Variants in ZNF212 observed in about 807,000 individuals in gnomAD.
ZNF212 encodes the protein Zinc finger protein C2H2-150.
A neutral mutation model predicts 47.3 loss-of-function variants in ZNF212; 32 were observed. The ratio of observed to expected loss-of-function variants is 0.68; its 90% confidence interval spans 0.51 to 0.91. The LOEUF is 0.91. Ranked by LOEUF, ZNF212 falls within the 40% of genes least tolerant of loss-of-function variation. ZNF212 has a pLI of 0.00. For missense variants in ZNF212, 555 were observed against 622.8 expected (o/e 0.89, Z 1.16); for synonymous variants, 242 against 253.8 (o/e 0.95, Z 0.44).
intron 1 of ZNF212, among the ~76,000 whole-genome samples, chr7:149,248,054 T>G (rs570383843): frequency 6.6e-6 from 1 of 152,260 alleles, no homozygotes; most frequent in South Asian, 2.1e-4. Flanking sequence ...CAACCCACTG[T>G]AGTGGGAACT....
chr7:149,249,581 A>T (rs1244794910), intron 1 of ZNF212, among the ~76,000 whole-genome samples: 1 of 152,222 alleles, frequency 6.6e-6, no homozygotes, highest in East Asian at 1.9e-4. Flanking sequence ...ATAAACTAAA[A>T]GATGAAAAAA....
intron 1 of ZNF212, among the ~76,000 whole-genome samples, chr7:149,248,063 C>G (rs1054170163): frequency 3.3e-5 from 5 of 152,192 alleles, no homozygotes; most frequent in African/African-American, 1.2e-4. Flanking sequence ...GTAGTGGGAA[C>G]TAATCCATTC....
chr7:149,242,401 G>A (rs1022254933), intron 1 of ZNF212, among the ~76,000 whole-genome samples: 2 of 151,980 alleles, frequency 1.3e-5, no homozygotes, highest in Non-Finnish European at 2.9e-5. Context: ...AATGAATGGG[G>A]GCCAGCTTCT....
intron 1 of ZNF212, among the ~76,000 whole-genome samples, chr7:149,249,563 G>GA (rs772411548): frequency 6.7e-4 from 102 of 151,476 alleles, no homozygotes; most frequent in Non-Finnish European, 1.1e-3. Context: ...CACTTTTGTT[G>GA]AAAAAAAATA....
chr7:149,240,314 G>T (rs1007950993), intron 1 of ZNF212, among the ~76,000 whole-genome samples: 4 of 152,190 alleles, frequency 2.6e-5, no homozygotes, highest in Non-Finnish European at 5.9e-5. Flanking sequence ...GCTTCTCCTT[G>T]GGGACGGATG....
chr7:149,243,977 G>C (rs1022974709), intron 1 of ZNF212, among the ~76,000 whole-genome samples: 3 of 152,168 alleles, frequency 2.0e-5, no homozygotes, highest in South Asian at 2.1e-4. Context: ...ACCCAGGCTG[G>C]AGTAGAGTGG....
chr7:149,251,682 G>T (rs954743302), intron 3 of ZNF212, among the ~76,000 whole-genome samples: 9 of 151,556 alleles, frequency 5.9e-5, no homozygotes, highest in Non-Finnish European at 1.0e-4. Flanking sequence ...AGAGACGTGG[G>T]TCTTACTGTG....
At chr7:149,242,314 G>A (rs781161938) in intron 1 of ZNF212, among the ~76,000 whole-genome samples, 46 of 150,892 alleles carry the variant, frequency 3.0e-4, no homozygotes, top group Non-Finnish European at 4.6e-4. Context: ...ATGAGCCACC[G>A]CACCCGGCCT....
intron 1 of ZNF212, among the ~76,000 whole-genome samples, chr7:149,242,308 G>GCCAC (rs1796605299): frequency 6.6e-6 from 1 of 150,988 alleles, no homozygotes; most frequent in South Asian, 2.1e-4. Flanking sequence ...CACTGCATGA[G>GCCAC]CCACCGCACC....
In ZNF212 at chr7:149,250,384, G is replaced by A. The variant is rs200745742; in HGVS notation, c.250G>A (p.Val84Met). Reference protein sequence around the residue: ...KKLADCEKMAVEFGNQLEGKW... With the variant: ...KKLADCEKMAMEFGNQLEGKW... ...GCTGGCTGACTGCGAGAAGATGGCC[G>A]TGGAGTTCGGGAACCAGCTGGAGGG... The change falls in exon 2 of 5, where the codon GTG becomes ATG. Residue 84 changes from valine to methionine, a missense_variant. Transcript: ENST00000335870. 4.8e-5 allele frequency: 78 copies of A among 1,614,066 alleles called. No individual in the cohort carries two copies. The Middle Eastern group carries it at 6.6e-4, about 14-fold the overall frequency.
At position 149,250,928 on chromosome 7, in the gene ZNF212, G is replaced by C. The variant is rs999269157; in HGVS notation, c.541+121G>C. The C allele has an allele frequency of 1.5e-5, 20 of 1,358,306 alleles. No homozygotes were observed. In the African/African-American group the frequency reaches 2.3e-4, roughly 16 times the overall value. 84.1% of individuals were successfully genotyped at this position (1,358,306 alleles called of 1,614,324 possible). Reference sequence around the variant, plus strand: ...CTGTGGGTCCTCTGTCGGCCTGCACGGGCAGAGAAATGCCAGTCTCTAGGT... The same window carrying C: ...CTGTGGGTCCTCTGTCGGCCTGCACCGGCAGAGAAATGCCAGTCTCTAGGT... On this transcript the variant is annotated intron_variant, in intron 3 of 4. Transcript: ENST00000335870.
At chr7:149,247,153 G>A (rs1206746304) in intron 1 of ZNF212, among the ~76,000 whole-genome samples, 1 of 150,188 alleles carries the variant, frequency 6.7e-6, no homozygotes, top group African/African-American at 2.5e-5. Context: ...TTGTCACTCA[G>A]GCTGGAGTGC....
intron 3 of ZNF212, 89 bp from the exon 4 acceptor site, chr7:149,252,617 C>A: frequency 8.8e-7 from 1 of 1,132,530 alleles, no homozygotes; most frequent in Non-Finnish European, 1.3e-6. Context: ...TTCCTCCCTG[C>A]CATTGGTCAT....
rs554077154 is a variant in ZNF212, at chr7:149,252,386, C to T, written c.542-320C>T. On this transcript the variant is annotated intron_variant, in intron 3 of 4. Transcript: ENST00000335870. ...TAGATCCCCTGAAAGGAAGCATTGGCAAGACTTAAGCTGCACGCACATGGA... is the reference window on the plus strand; with the variant it reads ...TAGATCCCCTGAAAGGAAGCATTGGTAAGACTTAAGCTGCACGCACATGGA... Among the ~76,000 whole-genome samples the T allele has an allele frequency of 5.9e-5, 9 of 152,274 alleles. No individual in the cohort carries two copies. The South Asian group carries it at 1.9e-3, about 32-fold the overall frequency.
At chr7:149,250,047 C>CT (rs1223881590) in intron 1 of ZNF212, 112 bp from the exon 2 acceptor site, 38 of 1,074,254 alleles carry the variant, frequency 3.5e-5, no homozygotes, top group Middle Eastern at 2.8e-4. Flanking sequence ...AAAAGACATG[C>CT]TTTTTTTTAA....
chr7:149,252,625 C>T, intron 3 of ZNF212, 81 bp from the exon 4 acceptor site: 1 of 1,268,390 alleles, frequency 7.9e-7, no homozygotes, highest in Non-Finnish European at 1.1e-6. Context: ...TGCCATTGGT[C>T]ATCTTGGTCA....
rs776797696 is a variant in ZNF212 at position 149,250,351 on chromosome 7, G to A, written c.217G>A (p.Glu73Lys). ...CCTGGAGGGGCGCACGGGGACAGCC[G>A]AGAAGAAGCTGGCTGACTGCGAGAA... Reference protein sequence around the residue: ...QSLEGRTGTAEKKLADCEKMA... With the variant: ...QSLEGRTGTAKKKLADCEKMA... Residue 73 changes from glutamate to lysine, a missense_variant, in exon 2 of 5, where the codon GAG (glutamate) becomes AAG (lysine). Transcript: ENST00000335870. 6 of 1,614,166 alleles carry A rather than the reference G, an allele frequency of 3.7e-6. No homozygotes were observed. Among genetic ancestry groups the A allele is most frequent in the East Asian group, 4.5e-5 (2 of 44,876 alleles).
chr7:149,242,024 T>TTCTTTTC (rs1246102859), intron 1 of ZNF212, among the ~76,000 whole-genome samples: 3 of 45,964 alleles, frequency 6.5e-5, no homozygotes, highest in Non-Finnish European at 1.3e-4. Flanking sequence ...TTCTTTTCTT[T>TTCTTTTC]TTTTTTTTTT....
Position 149,254,097 on chromosome 7 carries a change from C to G in ZNF212, c.1170C>G (p.Cys390Trp). ...CKVSLVTHQR[C>W]HLQEGPSAGQ... ...TGAGCCTGGTGACCCATCAGCGTTG[C>G]CACCTGCAGGAGGGGCCCAGTGCCG... The change falls in exon 5 of 5, where the codon TGC becomes TGG. Residue 390 changes from cysteine (C) to tryptophan (W), a missense_variant. Cys to Trp is a radical substitution (Grantham distance 215, BLOSUM62 -2). Transcript: ENST00000335870. The surrounding 1 kb of genome is among the most constrained non-coding windows in gnomAD (Gnocchi z 4.5). 2 of 1,613,056 alleles carry G rather than the reference C, an allele frequency of 1.2e-6. No individual in the cohort carries two copies. The highest frequency in any genetic ancestry group is 2.2e-5 in the South Asian group (2 of 90,874).
Sources: gnomAD v4.1 joint callset for allele counts (sites outside exome capture counted in the v4.1 genomes callset) on GRCh38, gnomAD v4.1.1 for gene constraint, Gnocchi (gnomAD v3.1) non-coding constraint, MANE v1.5 for transcripts, NCBI Gene and HGNC (gene_info 2026-07-23, HGNC 2026-07-21) for gene names.